FAM53A: variants seen among roughly 807,000 people sequenced by gnomAD.
The protein encoded by FAM53A is protein FAM53A.
FAM53A carries 28 observed loss-of-function variants against 26.6 expected under a neutral mutation model. The ratio of observed to expected loss-of-function variants is 1.05; its 90% CI spans 0.78 to 1.45. FAM53A has a LOEUF of 1.45. FAM53A is among the 40% of genes most tolerant of loss of function. The pLI, the probability that FAM53A is intolerant of heterozygous loss-of-function variation, is 0.00. For missense variants in FAM53A, 650 were observed against 575.8 expected, an observed-to-expected ratio of 1.13 and a Z score of -1.32; for synonymous variants, 290 against 253.1, an observed-to-expected ratio of 1.15 and a Z score of -1.38.
intron 4 of FAM53A, among the ~76,000 whole-genome samples, chr4:1,648,202 C>A (rs1456828969): frequency 6.6e-6 from 1 of 152,078 alleles, no homozygotes; most frequent in Non-Finnish European, 1.5e-5. Context: ...GAGAGAGAGA[C>A]CCTGTCTCCA....
At chr4:1,608,793 C>G in the FAM53A span, among the ~76,000 whole-genome samples, 2 of 152,168 alleles carry the variant, frequency 1.3e-5, no homozygotes, top group Non-Finnish European at 2.9e-5. Flanking sequence ...CTGAACAATG[C>G]AATACTTCTG....
chr4:1,590,989 T>TATATATATATATATACACACAC, the FAM53A span, among the ~76,000 whole-genome samples: 12 of 126,820 alleles, frequency 9.5e-5, no homozygotes, highest in African/African-American at 3.5e-4. Flanking sequence ...TATATATATA[T>TATATATATATATATACACACAC]ATATATATAT....
chr4:1,648,053 G>T (rs149936478), intron 4 of FAM53A, among the ~76,000 whole-genome samples: 8 of 152,090 alleles, frequency 5.3e-5, no homozygotes, highest in African/African-American at 1.7e-4. Context: ...TTAAAAAATT[G>T]AGAATATTAG....
At chr4:1,678,233 C>G (rs1321089249) in intron 1 of FAM53A, among the ~76,000 whole-genome samples, 1 of 152,146 alleles carries the variant, frequency 6.6e-6, no homozygotes, top group Non-Finnish European at 1.5e-5. Context: ...ATCCTAGCTA[C>G]TTAGAAGGCA....
intron 4 of FAM53A, among the ~76,000 whole-genome samples, chr4:1,642,695 C>T (rs1577103887): frequency 1.3e-5 from 2 of 151,258 alleles, no homozygotes; most frequent in Non-Finnish European, 3.0e-5. Flanking sequence ...CAGTCCTTGC[C>T]TCAAGTCCCC....
intron 1 of FAM53A, among the ~76,000 whole-genome samples, chr4:1,634,231 A>T (rs576643032): frequency 6.6e-6 from 1 of 151,958 alleles, no homozygotes; most frequent in African/African-American, 2.4e-5. Context: ...TGCAAACAGG[A>T]CTCCCCTGTA....
At chr4:1,614,585 G>A (rs754426535), downstream of FAM53A, among the ~76,000 whole-genome samples, 1 of 152,104 alleles carries the variant, frequency 6.6e-6, no homozygotes, top group Non-Finnish European at 1.5e-5. Flanking sequence ...CAGCGTCACC[G>A]CAGCAGCAAG....
chr4:1,614,885 T>C (rs1268550500), downstream of FAM53A, among the ~76,000 whole-genome samples: 3 of 152,096 alleles, frequency 2.0e-5, no homozygotes, highest in African/African-American at 4.8e-5. Flanking sequence ...GGGTGCCCCA[T>C]GGCCGTCCTA....
At position 1,668,881 on chromosome 4, in the gene FAM53A, C is replaced by T. The variant is rs1714434936; in HGVS notation, c.-140G>A. ...TTTCTTTACAGATGAGCAGTCCACG[C>T]CCACGGGCTCTTCAGGATTTGTGCC... On this transcript the variant is annotated 5_prime_UTR_variant, in exon 2 of 5. Coordinates refer to ENST00000308132, the MANE Select transcript of FAM53A (RefSeq NM_001174070.3). 1 of 656,882 alleles carries T rather than the reference C, an allele frequency of 1.5e-6. No homozygotes were observed. The highest frequency in any genetic ancestry group is 2.6e-6 in the Non-Finnish European group (1 of 380,602). 40.7% of individuals were successfully genotyped at this position (656,882 alleles called of 1,614,324 possible).
At chr4:1,613,498 A>T (rs1346110061), downstream of FAM53A, among the ~76,000 whole-genome samples, 1 of 152,200 alleles carries the variant, frequency 6.6e-6, no homozygotes, top group African/African-American at 2.4e-5. Context: ...TGTTGGAGGG[A>T]CACAAACACG....
At chr4:1,606,725 A>G in the FAM53A span, among the ~76,000 whole-genome samples, 2 of 152,200 alleles carry the variant, frequency 1.3e-5, no homozygotes, top group African/African-American at 2.4e-5. Flanking sequence ...AGTCTACTGC[A>G]CGGATGGACC....
At chr4:1,642,624 A>C (rs1447571942) in intron 4 of FAM53A, among the ~76,000 whole-genome samples, 2 of 152,070 alleles carry the variant, frequency 1.3e-5, no homozygotes, top group Non-Finnish European at 2.9e-5. Context: ...GCACGAGTCC[A>C]TGGCCACGAC....
the FAM53A span, among the ~76,000 whole-genome samples, chr4:1,582,201 C>A: frequency 6.6e-6 from 1 of 152,246 alleles, no homozygotes; most frequent in Admixed American, 6.5e-5. Context: ...TCAGCGTTTA[C>A]TACTGATATG....
Position 1,630,566 on chromosome 4 carries a change from C to T in FAM53A, c.432-12455G>A, listed in dbSNP as rs1015921944. Reference sequence around the variant, plus strand: ...CGCCCCGGGCCCCGTTCAGCCAGTCCGTCCCACACCTGAGGCAGGCTCAGC... The same window carrying T: ...CGCCCCGGGCCCCGTTCAGCCAGTCTGTCCCACACCTGAGGCAGGCTCAGC... On this transcript the variant is annotated intron_variant, in intron 1 of 1. Coordinates refer to the FAM53A transcript ENST00000489029. This position sits in a 1 kb window ranked among gnomAD's most constrained non-coding sequence, Gnocchi z 4.3. Among the ~76,000 whole-genome samples, 4 of 152,198 alleles carry T rather than the reference C, an allele frequency of 2.6e-5. No homozygotes were observed. The highest frequency in any genetic ancestry group is 1.3e-4 in the Admixed American group (2 of 15,288).
intron 1 of FAM53A, among the ~76,000 whole-genome samples, chr4:1,621,399 C>T (rs575507844): frequency 2.0e-5 from 3 of 152,260 alleles, no homozygotes; most frequent in Admixed American, 6.5e-5. Flanking sequence ...CCACCGCGCC[C>T]GGTCAGTCGG....
rs779455787 is a variant in FAM53A at position 1,655,273 on chromosome 4, T to C, written c.587A>G (p.Asp196Gly). 1 of 1,430,236 alleles carries C rather than the reference T, an allele frequency of 7.0e-7. No individual in the cohort carries two copies. The highest frequency in any genetic ancestry group is 9.1e-7 in the Non-Finnish European group (1 of 1,098,814). 88.6% of individuals were successfully genotyped at this position (1,430,236 alleles called of 1,614,324 possible). ...TGAGCCCGCACTGCCCTCGCTGCTG[T>C]CCACGAAGCCGCCGCTGGCGGAGGA... ...RPSSASGGFV[D>G]SSEGSAGSGP... The change falls in exon 4 of 5, where the codon GAC (aspartate) becomes GGC (glycine). Residue 196 changes from aspartate to glycine, a missense_variant. Physicochemically the swap from Asp to Gly is moderately conservative, Grantham distance 94. Coordinates refer to ENST00000308132, the MANE Select transcript of FAM53A (RefSeq NM_001174070.3).
In FAM53A at chr4:1,640,204, T is replaced by C. The variant is rs1364988255; in HGVS notation, c.*1089A>G. ...CGGGAAGCAGGGACTCATGGCACCTTGGTCTGCCCCAAAGGCCATCACTGC... is the reference window on the plus strand; with the variant it reads ...CGGGAAGCAGGGACTCATGGCACCTCGGTCTGCCCCAAAGGCCATCACTGC... On this transcript the variant is annotated 3_prime_UTR_variant, in exon 5 of 5. Coordinates refer to ENST00000308132, the MANE Select transcript of FAM53A (RefSeq NM_001174070.3). 6.0e-6 allele frequency: 1 copy of C among 166,758 alleles called. No individual in the cohort carries two copies. The highest frequency in any genetic ancestry group is 1.9e-4 in the East Asian group (1 of 5,222). The allele number at this position is 166,758 out of a possible 1,614,324, so 10.3% of individuals were successfully genotyped here.
the FAM53A span, among the ~76,000 whole-genome samples, chr4:1,593,407 T>TCGCCCCG: frequency 2.0e-5 from 3 of 152,140 alleles, no homozygotes; most frequent in African/African-American, 7.2e-5. Context: ...CCCCTGACAG[T>TCGCCCCG]CGCCCCGCGC....
At chr4:1,597,465 T>C in the FAM53A span, among the ~76,000 whole-genome samples, 1 of 152,128 alleles carries the variant, frequency 6.6e-6, no homozygotes, top group Admixed American at 6.5e-5. Flanking sequence ...CCAGGAACCA[T>C]GCTGCTGGGC....
Sources: allele counts gnomAD v4.1 joint callset (sites outside exome capture counted in the v4.1 genomes callset), GRCh38; gene constraint gnomAD v4.1.1; non-coding constraint Gnocchi (gnomAD v3.1); transcripts MANE v1.5; gene names NCBI Gene and HGNC (gene_info 2026-07-23, HGNC 2026-07-21).